Variants in COL6A3 observed in about 807,000 individuals in gnomAD.
COL6A3 encodes the protein collagen type VI alpha 3 chain, also known as collagen alpha-3(VI) chain.
In COL6A3, 137 loss-of-function variants were observed where a neutral mutation model predicts 274.1. The observed-to-expected ratio is 0.50, with a 90% CI of 0.44 to 0.58. The LOEUF (loss-of-function observed/expected upper bound fraction) is 0.58, where lower values mean the gene tolerates loss of function less well. Ranked by LOEUF, COL6A3 falls within the 20% of genes least tolerant of loss-of-function variation. COL6A3 has a pLI of 0.00. For missense variants in COL6A3, 3,950 were observed against 4,124.9 expected, an observed-to-expected ratio of 0.96 and a Z score of 1.16; for synonymous variants, 1,650 against 1,650.6, an observed-to-expected ratio of 1.00 and a Z score of 0.01.
chr2:237,394,551 GCAGGGC>G (rs1263326419), intron 3 of COL6A3, 30 bp downstream of exon 3: 1 of 1,613,010 alleles, frequency 6.2e-7, no homozygotes, highest in South Asian at 1.1e-5. Flanking sequence ...CCCAAGAACA[GCAGGGC>G]AGGGCGTAGC....
chr2:237,372,374 G>A (rs552597883), intron 8 of COL6A3, 37 bp from the exon 9 acceptor site: 16 of 1,600,426 alleles, frequency 1.0e-5, no homozygotes, highest in Admixed American at 1.7e-5. Context: ...CACCTTCATC[G>A]TCACCAAATT....
chr2:237,377,241 A>G lies in COL6A3; in HGVS notation c.2601T>C (p.Asn867=), dbSNP rs764115723. 9 of 1,612,154 alleles carry G rather than the reference A, an allele frequency of 5.6e-6. No individual in the cohort carries two copies. The East Asian group carries it at 1.8e-4, about 32-fold the overall frequency. The change falls in exon 7 of 44, where the codon AAT becomes AAC. Residue 867 remains asparagine (N), a synonymous_variant. Coordinates refer to ENST00000295550, the MANE Select transcript of COL6A3 (RefSeq NM_004369.4). Reference sequence around the variant, plus strand: ...CAATTCGGGTCCCCTCTGGCTTCACATTGAGCTCATCGATAATCTTGTAGA... The same window carrying G: ...CAATTCGGGTCCCCTCTGGCTTCACGTTGAGCTCATCGATAATCTTGTAGA... ...DFLYKIIDEL[N]VKPEGTRIAV...
chr2:237,381,021 G>A lies in COL6A3; in HGVS notation c.1791C>T (p.Phe597=), dbSNP rs76576170. ...CTGGGATGAACACCAGGGAGGAGTC[G>A]AAAGCGATCTCTTCCAGCTCAGCCT... ...ADQAELEEIA[F]DSSLVFIPAE... is the part of the protein sequence containing the mutation. Residue 597 remains phenylalanine, a synonymous_variant, in exon 5 of 44, where the codon TTC becomes TTT. Coordinates refer to ENST00000295550, the MANE Select transcript of COL6A3 (RefSeq NM_004369.4). 1.5e-3 allele frequency: 2,383 copies of A among 1,614,192 alleles called. 31 individuals are homozygous for A. The African/African-American group carries it at 0.026, about 18-fold the overall frequency.
chr2:237,353,918 C>T (rs2077260740), intron 24 of COL6A3, among the ~76,000 whole-genome samples: 2 of 152,094 alleles, frequency 1.3e-5, no homozygotes, highest in Admixed American at 1.3e-4. Flanking sequence ...CTCAGAACCC[C>T]AAAATCGCTA....
intron 1 of COL6A3, among the ~76,000 whole-genome samples, chr2:237,410,615 C>A (rs56005922): frequency 0.022 from 3,310 of 152,226 alleles, 116 homozygotes; most frequent in African/African-American, 0.076. Context: ...CTCAAAATTT[C>A]ATCTCTTTCC....
Position 237,376,905 on chromosome 2 carries a change from G to T in COL6A3, c.2937C>A (p.Asp979Glu), listed in dbSNP as rs763515820. 33 of 1,614,080 alleles carry T rather than the reference G, an allele frequency of 2.0e-5. No individual in the cohort carries two copies. The highest frequency in any genetic ancestry group is 2.7e-5 in the Non-Finnish European group (32 of 1,180,042). Residue 979 changes from aspartate to glutamate, a missense_variant, in exon 7 of 44, where the codon GAC becomes GAA. Coordinates refer to ENST00000295550, the MANE Select transcript of COL6A3 (RefSeq NM_004369.4). Reference sequence around the variant, plus strand: ...GCACGATCTGCTCTAACTCAGCAGGGTCTGCGTTCTTGGCTTGGAAGATGA... The same window carrying T: ...GCACGATCTGCTCTAACTCAGCAGGTTCTGCGTTCTTGGCTTGGAAGATGA... Reference protein sequence around the residue: ...VPFIFQAKNADPAELEQIVLS... With the variant: ...VPFIFQAKNAEPAELEQIVLS...
At chr2:237,403,996 AT>A (rs2078660861) in intron 1 of COL6A3, among the ~76,000 whole-genome samples, 1 of 151,906 alleles carries the variant, frequency 6.6e-6, no homozygotes, top group South Asian at 2.1e-4. Flanking sequence ...GCAATATCTA[AT>A]TTTTTGTATG....
intron 2 of COL6A3, among the ~76,000 whole-genome samples, chr2:237,395,732 C>T (rs962546745): frequency 1.3e-5 from 2 of 152,114 alleles, no homozygotes; most frequent in Non-Finnish European, 1.5e-5. Flanking sequence ...GTTCTTTAAG[C>T]GAGGAGGACT....
At chr2:237,358,071 C>A (rs1482680410) in intron 21 of COL6A3, among the ~76,000 whole-genome samples, 189 bp from the exon 22 acceptor site, 1 of 152,242 alleles carries the variant, frequency 6.6e-6, no homozygotes, top group Non-Finnish European at 1.5e-5. Context: ...ATCAGCAAAG[C>A]ACTCTTAGCC....
At chr2:237,388,840 G>A (rs1204195065) in intron 3 of COL6A3, among the ~76,000 whole-genome samples, 1 of 152,122 alleles carries the variant, frequency 6.6e-6, no homozygotes, top group African/African-American at 2.4e-5. Context: ...ATACTTTGAT[G>A]AAATTTTTGT....
intron 42 of COL6A3, chr2:237,327,801 C>T (rs1362939358): frequency 6.6e-6 from 1 of 151,338 alleles, no homozygotes. Context: ...CTCTACTCAG[C>T]TATGAGTGCA....
intron 24 of COL6A3, among the ~76,000 whole-genome samples, chr2:237,354,643 TATTG>T (rs2077278031): frequency 6.6e-6 from 1 of 152,130 alleles, no homozygotes; most frequent in Non-Finnish European, 1.5e-5. Flanking sequence ...ATCTCACACA[TATTG>T]ATTGATGTCT....
chr2:237,349,903 T>C (rs931428038), intron 28 of COL6A3, among the ~76,000 whole-genome samples: 2 of 152,172 alleles, frequency 1.3e-5, no homozygotes, highest in Non-Finnish European at 2.9e-5. Context: ...CATTCTCTTG[T>C]ATCAGGAAAA....
chr2:237,333,332 A>G (rs1224782234), intron 42 of COL6A3, 118 bp downstream of exon 42: 9 of 888,002 alleles, frequency 1.0e-5, no homozygotes, highest in Non-Finnish European at 1.7e-5. Flanking sequence ...GCTGACGTGG[A>G]CCTTTTCCCC....
At position 237,369,179 on chromosome 2, in the gene COL6A3, T is replaced by C. The variant is rs761453030; in HGVS notation, c.4286-2A>G. Reference sequence around the variant, plus strand: ...TGTCTGCAGCATCACTCTCAACTGCTGCAGATCAAAGAAGAAAAAGGGAAA... The same window carrying C: ...TGTCTGCAGCATCACTCTCAACTGCCGCAGATCAAAGAAGAAAAAGGGAAA... On this transcript the variant is annotated splice_acceptor_variant, in intron 9 of 43. Transcript: ENST00000295550. LOFTEE classifies it high-confidence loss of function. The C allele has an allele frequency of 1.9e-6, 3 of 1,609,294 alleles. No individual in the cohort carries two copies. In the Admixed American group the frequency reaches 5.0e-5, roughly 27 times the overall value.
intron 8 of COL6A3, among the ~76,000 whole-genome samples, chr2:237,373,662 A>T (rs946151322): frequency 4.6e-5 from 7 of 152,018 alleles, no homozygotes; most frequent in Non-Finnish European, 1.0e-4. Context: ...GTGAGTGCAT[A>T]TGAGGGAGCA....
chr2:237,352,600 A>C lies in COL6A3; in HGVS notation c.6691-16T>G, dbSNP rs1211086568. The C allele has an allele frequency of 6.2e-7, 1 of 1,612,202 alleles. No homozygotes were observed. Among genetic ancestry groups the C allele is most frequent in the Admixed American group, 1.7e-5 (1 of 59,900 alleles). On this transcript the variant is annotated splice_polypyrimidine_tract_variant and intron_variant, in intron 25 of 43. Transcript: ENST00000295550. ...CAGCTGGGCCCTGAGGAAGGAAAAGACCATCGTGAGTGCTAATGAGGTGAC... is the reference window on the plus strand; with the variant it reads ...CAGCTGGGCCCTGAGGAAGGAAAAGCCCATCGTGAGTGCTAATGAGGTGAC...
At position 237,352,584 on chromosome 2, in the gene COL6A3, C is replaced by T; in HGVS notation, c.6691G>A (p.Gly2231Ser). The T allele has an allele frequency of 6.2e-7, 1 of 1,613,374 alleles. No individual in the cohort carries two copies. The highest frequency in any genetic ancestry group is 8.5e-7 in the Non-Finnish European group (1 of 1,179,712). Residue 2231 changes from glycine to serine, a missense_variant and splice_region_variant, in exon 26 of 44, where the codon GGC becomes AGC. This residue lies in a region of COL6A3 where 1,284 missense variants were observed against 1,349.7 expected (regional missense o/e 0.95). Coordinates refer to ENST00000295550, the MANE Select transcript of COL6A3 (RefSeq NM_004369.4). ...EGEQGTRGAQ[G>S]PAGPAGPPGL... ...GGAGGACCAGCAGGACCAGCTGGGC[C>T]CTGAGGAAGGAAAAGACCATCGTGA...
rs1327279933 is a variant in COL6A3 at position 237,341,094 on chromosome 2, C to T, written c.7822G>A (p.Asp2608Asn). 6.2e-7 allele frequency: 1 copy of T among 1,614,210 alleles called. No individual in the cohort carries two copies. Among genetic ancestry groups the T allele is most frequent in the Non-Finnish European group, 8.5e-7 (1 of 1,180,044 alleles). Residue 2608 changes from aspartate (D) to asparagine (N), a missense_variant, in exon 38 of 44, where the codon GAC becomes AAC. Coordinates refer to ENST00000295550, the MANE Select transcript of COL6A3 (RefSeq NM_004369.4). ...GFGSWRPSFR[D>N]RRAAGSDVDI... ...ACATCGCTCCCTGCCGCTCTCCTGT[C>T]CCTGAAGGAAGGCCTCCAACTGCCA... is the stretch of plus-strand genomic sequence containing the variant.
Sources: allele counts gnomAD v4.1 joint callset (sites outside exome capture counted in the v4.1 genomes callset), GRCh38; gene constraint gnomAD v4.1.1; regional missense constraint gnomAD v4.1.1; transcripts MANE v1.5; gene names NCBI Gene and HGNC (gene_info 2026-07-23, HGNC 2026-07-21).